The following GRIP1 variants were observed in gnomAD, a reference collection of about 807,000 sequenced individuals.
The protein encoded by GRIP1 is glutamate receptor interacting protein 1.
GRIP1 carries 45 observed loss-of-function variants against 129.9 expected under a neutral mutation model. The ratio of observed to expected loss-of-function variants is 0.35; its 90% confidence interval spans 0.27 to 0.44. The LOEUF (loss-of-function observed/expected upper bound fraction) is 0.44. Among genes scored for constraint, GRIP1 ranks in the 20% least tolerant of loss-of-function variants. The pLI is 1.00. For synonymous variants in GRIP1, 530 were observed against 520.8 expected, an observed-to-expected ratio of 1.02 and a Z score of -0.24; for missense variants, 1,196 against 1,396.8, an observed-to-expected ratio of 0.86 and a Z score of 2.29.
intron 1 of GRIP1, among the ~76,000 whole-genome samples, chr12:66,835,860 C>T (rs1334714359): frequency 6.6e-6 from 1 of 152,000 alleles, no homozygotes; most frequent in African/African-American, 2.4e-5. Flanking sequence ...ATGGACAACA[C>T]CAAGGGTGAA....
At chr12:67,012,230 C>T (rs2042719323) in intron 1 of GRIP1, among the ~76,000 whole-genome samples, 1 of 152,112 alleles carries the variant, frequency 6.6e-6, no homozygotes, top group Non-Finnish European at 1.5e-5. Context: ...AAAGTTCTAC[C>T]AACCCTACAG....
At chr12:66,567,344 C>A (rs531804543) in intron 2 of GRIP1, among the ~76,000 whole-genome samples, 1 of 152,278 alleles carries the variant, frequency 6.6e-6, no homozygotes, top group Non-Finnish European at 1.5e-5. Flanking sequence ...TCATTGGTTT[C>A]AAAGAACATC....
intron 7 of GRIP1, among the ~76,000 whole-genome samples, chr12:66,509,502 AG>A (rs202068781): frequency 0.013 from 2,025 of 152,330 alleles, 42 homozygotes; most frequent in African/African-American, 0.044. Flanking sequence ...CATTGCTTTC[AG>A]AACTTTTTTC....
At chr12:66,997,832 T>A (rs906825815) in intron 1 of GRIP1, among the ~76,000 whole-genome samples, 1 of 152,076 alleles carries the variant, frequency 6.6e-6, no homozygotes, top group Admixed American at 6.6e-5. Context: ...AAAACCTAGG[T>A]ATCTATGGCC....
At chr12:66,723,296 C>CTTT (rs1491085881) in intron 1 of GRIP1, among the ~76,000 whole-genome samples, 1 of 22,084 alleles carries the variant, frequency 4.5e-5, no homozygotes, top group Non-Finnish European at 7.5e-5. Flanking sequence ...TTCTTTCTTT[C>CTTT]TTTCTTTCTT....
intron 1 of GRIP1, among the ~76,000 whole-genome samples, chr12:66,917,491 A>C (rs185178367): frequency 3.8e-4 from 58 of 152,356 alleles, no homozygotes; most frequent in Non-Finnish European, 7.1e-4. Flanking sequence ...CAATGTGTAT[A>C]AAGAATAAAT....
intron 1 of GRIP1, among the ~76,000 whole-genome samples, chr12:66,841,106 T>C (rs1320552065): frequency 6.6e-6 from 1 of 152,228 alleles, no homozygotes; most frequent in Non-Finnish European, 1.5e-5. Context: ...TATTTTTATC[T>C]GCAAAATCTG....
At chr12:66,690,609 T>C (rs992240289) in intron 1 of GRIP1, among the ~76,000 whole-genome samples, 2 of 151,656 alleles carry the variant, frequency 1.3e-5, no homozygotes, top group African/African-American at 2.4e-5. Flanking sequence ...CTCATGTCTA[T>C]AACCCCAAGA....
chr12:66,714,758 G>A (rs1432010560), intron 1 of GRIP1, among the ~76,000 whole-genome samples: 1 of 151,888 alleles, frequency 6.6e-6, no homozygotes, highest in Non-Finnish European at 1.5e-5. Flanking sequence ...TACATTTGGT[G>A]AATTCTGTTC....
chr12:66,669,802 A>G (rs532010068), intron 1 of GRIP1, among the ~76,000 whole-genome samples: 22 of 152,344 alleles, frequency 1.4e-4, no homozygotes, highest in African/African-American at 4.8e-4. Context: ...GTGGCACACC[A>G]TTATAGAGTA....
At chr12:66,820,011 T>C (rs1004025916) in intron 1 of GRIP1, among the ~76,000 whole-genome samples, 6 of 152,214 alleles carry the variant, frequency 3.9e-5, no homozygotes, top group Admixed American at 6.5e-5. Flanking sequence ...TGGAGGCACC[T>C]TACTTTAGTG....
intron 15 of GRIP1, among the ~76,000 whole-genome samples, chr12:66,413,359 G>A (rs1237922571): frequency 6.6e-6 from 1 of 152,038 alleles, no homozygotes; most frequent in Non-Finnish European, 1.5e-5. Flanking sequence ...TGAACCTTGG[G>A]TGAATAATAA....
chr12:66,813,727 T>C (rs2039150491), intron 1 of GRIP1, among the ~76,000 whole-genome samples: 1 of 152,080 alleles, frequency 6.6e-6, no homozygotes, highest in South Asian at 2.1e-4. Context: ...GTGACCACTG[T>C]GGAGAATAAT....
At chr12:66,835,966 G>C (rs1332955139) in intron 1 of GRIP1, among the ~76,000 whole-genome samples, 1 of 151,790 alleles carries the variant, frequency 6.6e-6, no homozygotes, top group African/African-American at 2.4e-5. Context: ...GTGTGTATAG[G>C]GGGAGGGAAC....
chr12:66,389,008 G>A (rs919084085), intron 19 of GRIP1, among the ~76,000 whole-genome samples: 3 of 152,098 alleles, frequency 2.0e-5, no homozygotes, highest in Non-Finnish European at 4.4e-5. Context: ...CAAAGACATC[G>A]ATTTCCAGCC....
chr12:66,705,052 C>T (rs1407612910), intron 1 of GRIP1, among the ~76,000 whole-genome samples: 1 of 151,948 alleles, frequency 6.6e-6, no homozygotes, highest in South Asian at 2.1e-4. Context: ...TTAACAGAGC[C>T]CTTACTACAA....
chr12:67,009,154 G>A (rs982925680), intron 1 of GRIP1, among the ~76,000 whole-genome samples: 5 of 152,076 alleles, frequency 3.3e-5, no homozygotes, highest in Admixed American at 1.3e-4. Context: ...TTAGAAAACC[G>A]CATCCTCTTG....
chr12:67,050,902 C>T (rs2043334655), intron 1 of GRIP1, among the ~76,000 whole-genome samples: 1 of 152,102 alleles, frequency 6.6e-6, no homozygotes, highest in African/African-American at 2.4e-5. Context: ...AACCTAAGGT[C>T]AGAGTTTGTC....
At chr12:66,462,861 C>G in intron 9 of GRIP1, 63 bp downstream of exon 9, 1 of 1,078,828 alleles carries the variant, frequency 9.3e-7, no homozygotes. Context: ...CTGTCTAACT[C>G]TGCTAGAGGG....
Sources: gnomAD v4.1 joint callset for allele counts (sites outside exome capture counted in the v4.1 genomes callset) on GRCh38, gnomAD v4.1.1 for gene constraint, MANE v1.5 for transcripts, NCBI Gene and HGNC (gene_info 2026-07-23, HGNC 2026-07-21) for gene names.